The following H6PD variants were observed in gnomAD, a reference collection of about 807,000 sequenced individuals.
H6PD encodes hexose-6-phosphate dehydrogenase/glucose 1-dehydrogenase, also known as GDH/6PGL endoplasmic bifunctional protein.
A neutral mutation model predicts 61.2 loss-of-function variants in H6PD; 48 were observed. The observed-to-expected ratio is 0.78, with a 90% CI of 0.62 to 1.00. The LOEUF is 1.00. H6PD is among the 50% of genes least tolerant of loss of function. The pLI is 0.00. For missense variants in H6PD, 1,093 were observed against 1,065.0 expected (o/e 1.03, Z -0.37); for synonymous variants, 480 against 457.9 (o/e 1.05, Z -0.62).
In H6PD at chr1:9,235,118, C is replaced by G. The variant is rs1640814813; in HGVS notation, c.-11+52C>G. On this transcript the variant is annotated intron_variant, in intron 1 of 4. Transcript: ENST00000377403. ...CCGCCCCGGCCCCGGCGCCTCCAAC[C>G]CGCGCTGCCGCCGGGCCCGAGGCCG... 4.7e-5 allele frequency: 7 copies of G among 149,624 alleles called. No homozygotes were observed. The South Asian group carries it at 1.2e-3, about 27-fold the overall frequency. The allele number at this position is 149,624 out of a possible 1,614,324, so 9.3% of individuals were successfully genotyped here.
At position 9,264,926 on chromosome 1, in the gene H6PD, C is replaced by T. The variant is rs1234705467; in HGVS notation, c.*57C>T. ...TGTGCTTTCCTTCGCCCGTGTCTTC[C>T]CTCCCTTCTCGGCCCCGCCACCTGC... On this transcript the variant is annotated 3_prime_UTR_variant, in exon 5 of 5. Transcript: ENST00000377403. The T allele has an allele frequency of 6.3e-7, 1 of 1,587,670 alleles. No individual in the cohort carries two copies. Among genetic ancestry groups the T allele is most frequent in the South Asian group, 1.1e-5 (1 of 90,418 alleles).
Position 9,264,577 on chromosome 1 carries a change from C to T in H6PD, c.2084C>T (p.Ala695Val). Residue 695 changes from alanine (A) to valine (V), a missense_variant, in exon 5 of 5, where the codon GCC (alanine) becomes GTC (valine). Coordinates refer to ENST00000377403, the MANE Select transcript of H6PD (RefSeq NM_004285.4). The part of the protein sequence containing the change: ...SFDLVLLGMG[A>V]DGHTASLFPQ... ...GACCTGGTGCTGCTGGGCATGGGTGCCGACGGGCACACAGCCTCCCTCTTC... is the reference window on the plus strand; with the variant it reads ...GACCTGGTGCTGCTGGGCATGGGTGTCGACGGGCACACAGCCTCCCTCTTC... 1.2e-6 allele frequency: 2 copies of T among 1,613,294 alleles called. No individual in the cohort carries two copies. Among genetic ancestry groups the T allele is most frequent in the South Asian group, 1.1e-5 (1 of 91,082 alleles).
At chr1:9,259,815 GTGTTA>G (rs1641659099) in intron 3 of H6PD, among the ~76,000 whole-genome samples, 2 of 124,324 alleles carry the variant, frequency 1.6e-5, no homozygotes, top group Non-Finnish European at 3.8e-5. Flanking sequence ...TGTTACGGTG[GTGTTA>G]TGTTGTTATG....
chr1:9,263,600 T>C lies in H6PD; in HGVS notation c.1107T>C (p.Ala369=). ...CCTTGGACGAGAGAGTGGGCTACGC[T>C]CGGATCTTGTTCAAGAACCAGGCCT... ...GKALDERVGY[A]RILFKNQACC... The change falls in exon 5 of 5, where the codon GCT becomes GCC. Residue 369 remains alanine, a synonymous_variant. Transcript: ENST00000377403. 1 of 1,614,220 alleles carries C rather than the reference T, an allele frequency of 6.2e-7. No homozygotes were observed. The highest frequency in any genetic ancestry group is 1.1e-5 in the South Asian group (1 of 91,088).
intron 1 of H6PD, 36 bp downstream of exon 1, chr1:9,235,102 C>T (rs1640813548): frequency 6.7e-6 from 1 of 149,166 alleles, no homozygotes; most frequent in Non-Finnish European, 1.5e-5. Flanking sequence ...GCCGCCCCGG[C>T]CCCGGCGCCT....
rs190144830 is a variant in H6PD, at chr1:9,238,012, C to T, written c.-11+2946C>T. Among the ~76,000 whole-genome samples, 118 of 152,162 alleles carry T rather than the reference C, an allele frequency of 7.8e-4. 2 individuals are homozygous for T. Among genetic ancestry groups the T allele is most frequent in the East Asian group, 1.9e-3 (10 of 5,188 alleles). On this transcript the variant is annotated intron_variant, in intron 1 of 4. Coordinates refer to ENST00000377403, the MANE Select transcript of H6PD (RefSeq NM_004285.4). ...AGGCAAAATGAATGTAATTATCATA[C>T]AGTATATTAGAAAGCGATGTACTGT...
At chr1:9,256,981 CA>C (rs1315238123) in intron 3 of H6PD, among the ~76,000 whole-genome samples, 3 of 152,158 alleles carry the variant, frequency 2.0e-5, no homozygotes, top group Non-Finnish European at 4.4e-5. Flanking sequence ...CTGTGTCCAG[CA>C]TTTGGGAGAA....
chr1:9,253,938 G>C (rs1314370426), intron 3 of H6PD, among the ~76,000 whole-genome samples: 1 of 152,194 alleles, frequency 6.6e-6, no homozygotes, highest in African/African-American at 2.4e-5. Flanking sequence ...GCCCTGTGTG[G>C]ATATTAACTC....
Position 9,264,672 on chromosome 1 carries a change from C to T in H6PD, c.2179C>T (p.Arg727Cys), listed in dbSNP as rs1484938352. 1.9e-5 allele frequency: 30 copies of T among 1,613,140 alleles called. No individual in the cohort carries two copies. The highest frequency in any genetic ancestry group is 1.6e-4 in the Middle Eastern group (1 of 6,084). Residue 727 changes from arginine (R) to cysteine (C), a missense_variant, in exon 5 of 5, where the codon CGC becomes TGC. By Grantham distance (180) the Arg-to-Cys change is radical (BLOSUM62 -3). Coordinates refer to ENST00000377403, the MANE Select transcript of H6PD (RefSeq NM_004285.4). ...GACCACGAGCCCCTCCCAGCCACACCGCCGCATGAGCCTTAGCCTGCCTCT... is the reference window on the plus strand; with the variant it reads ...GACCACGAGCCCCTCCCAGCCACACTGCCGCATGAGCCTTAGCCTGCCTCT... ...VLTTSPSQPH[R>C]RMSLSLPLIN...
chr1:9,259,242 C>A (rs1436516723), intron 3 of H6PD, among the ~76,000 whole-genome samples: 2 of 152,062 alleles, frequency 1.3e-5, no homozygotes, highest in African/African-American at 2.4e-5. Context: ...CCTGCCTTGG[C>A]CTCCCAAAGT....
Position 9,265,024 on chromosome 1 carries a change from C to T in H6PD, c.*155C>T, listed in dbSNP as rs1318910115. ...CAGAGAGGGCAGGACAAGCCTTGTC[C>T]CGATGCCTTTGACCGGCAGCTCTGT... On this transcript the variant is annotated 3_prime_UTR_variant, in exon 5 of 5. Transcript: ENST00000377403. The T allele has an allele frequency of 5.1e-6, 4 of 784,490 alleles. No homozygotes were observed. In the East Asian group the frequency reaches 1.1e-4, roughly 21 times the overall value. The allele number at this position is 784,490 out of a possible 1,614,324, so 48.6% of individuals were successfully genotyped here.
chr1:9,257,116 C>T (rs1001908097), intron 3 of H6PD, among the ~76,000 whole-genome samples: 4 of 151,662 alleles, frequency 2.6e-5, no homozygotes, highest in Non-Finnish European at 5.9e-5. Context: ...TTATTTTGGT[C>T]ACTTTATATC....
chr1:9,235,308 G>C (rs563732325), intron 1 of H6PD, among the ~76,000 whole-genome samples: 1 of 152,122 alleles, frequency 6.6e-6, no homozygotes, highest in South Asian at 2.1e-4. Context: ...GGAACTCCGA[G>C]ATTTCCCCCG....
At chr1:9,237,538 A>G (rs533249148) in intron 1 of H6PD, among the ~76,000 whole-genome samples, 15 of 152,154 alleles carry the variant, frequency 9.9e-5, no homozygotes, top group Admixed American at 4.6e-4. Flanking sequence ...TGGCCATGTT[A>G]TTTGACTTCT....
chr1:9,253,126 G>A (rs773350025), intron 3 of H6PD, among the ~76,000 whole-genome samples: 8 of 152,158 alleles, frequency 5.3e-5, no homozygotes, highest in Non-Finnish European at 1.2e-4. Context: ...TCCCAGGGAG[G>A]TGCCAGGCCA....
At position 9,265,025 on chromosome 1, in the gene H6PD, C is replaced by T. The variant is rs1220734817; in HGVS notation, c.*156C>T. ...AGAGAGGGCAGGACAAGCCTTGTCC[C>T]GATGCCTTTGACCGGCAGCTCTGTG... On this transcript the variant is annotated 3_prime_UTR_variant, in exon 5 of 5. Coordinates refer to ENST00000377403, the MANE Select transcript of H6PD (RefSeq NM_004285.4). 9.0e-6 allele frequency: 7 copies of T among 780,780 alleles called. No individual in the cohort carries two copies. The highest frequency in any genetic ancestry group is 3.0e-5 in the South Asian group (2 of 67,594). The allele number at this position is 780,780 out of a possible 1,614,324, so 48.4% of individuals were successfully genotyped here.
At position 9,248,849 on chromosome 1, in the gene H6PD, C is replaced by T. The variant is rs372156285; in HGVS notation, c.745+1766C>T. 3.3e-5 allele frequency among the ~76,000 whole-genome samples: 5 copies of T among 152,348 alleles called. No individual in the cohort carries two copies. In the East Asian group the frequency reaches 9.6e-4, roughly 29 times the overall value. ...GCCTTCATGGGTCTCAGGGAATCGT[C>T]CTCCAGCCCTTCCAAATTTCCCTCC... On this transcript the variant is annotated intron_variant, in intron 3 of 4. Transcript: ENST00000377403.
intron 3 of H6PD, among the ~76,000 whole-genome samples, chr1:9,257,893 G>T (rs979767485): frequency 1.3e-5 from 2 of 152,366 alleles, no homozygotes; most frequent in East Asian, 3.9e-4. Context: ...ACTCTCCTGC[G>T]AGGTGGTATG....
chr1:9,235,265 C>T (rs1424575038), intron 1 of H6PD, among the ~76,000 whole-genome samples, 199 bp downstream of exon 1: 1 of 152,118 alleles, frequency 6.6e-6, no homozygotes, highest in Non-Finnish European at 1.5e-5. Flanking sequence ...TGTCCTTTCC[C>T]TGGGCTTCCC....
Sources: gnomAD v4.1 joint callset for allele counts (sites outside exome capture counted in the v4.1 genomes callset) on GRCh38, gnomAD v4.1.1 for gene constraint, MANE v1.5 for transcripts, NCBI Gene and HGNC (gene_info 2026-07-23, HGNC 2026-07-21) for gene names.